Variants in KLHL32 observed in about 807,000 individuals in gnomAD.
KLHL32 encodes the protein kelch like family member 32, also known as kelch-like protein 32.
Under a neutral mutation model 64.8 loss-of-function variants are expected in KLHL32, and 35 were observed. The ratio of observed to expected loss-of-function variants is 0.54; its 90% confidence interval spans 0.41 to 0.72. The LOEUF (loss-of-function observed/expected upper bound fraction) is 0.72. Ranked by LOEUF, KLHL32 falls within the 30% of genes least tolerant of loss-of-function variation. KLHL32 has a pLI of 0.00. For missense variants in KLHL32, 589 were observed against 768.5 expected (o/e 0.77, Z 2.76); for synonymous variants, 259 against 281.0 (o/e 0.92, Z 0.78).
At chr6:96,983,746 T>C (rs191731105) in intron 3 of KLHL32, among the ~76,000 whole-genome samples, 9 of 152,336 alleles carry the variant, frequency 5.9e-5, no homozygotes, top group Admixed American at 4.6e-4. Flanking sequence ...TCATTTTCTG[T>C]TGCGTCTATT....
intron 9 of KLHL32, among the ~76,000 whole-genome samples, chr6:97,132,336 C>T (rs1206115411): frequency 1.3e-5 from 2 of 152,108 alleles, no homozygotes; most frequent in African/African-American, 4.8e-5. Flanking sequence ...TTATTTCCAC[C>T]ACTGTAAATT....
At chr6:97,139,025 A>G in intron 10 of KLHL32, 96 bp from the exon 11 acceptor site, 1 of 1,144,016 alleles carries the variant, frequency 8.7e-7, no homozygotes, top group East Asian at 2.4e-5. Context: ...ATGGTGACAT[A>G]ACTGAATTTA....
At chr6:96,944,984 T>C (rs1771752272) in intron 1 of KLHL32, among the ~76,000 whole-genome samples, 1 of 152,206 alleles carries the variant, frequency 6.6e-6, no homozygotes, top group South Asian at 2.1e-4. Flanking sequence ...TAACATGACG[T>C]TGACAACTCT....
intron 3 of KLHL32, chr6:97,010,123 T>G (rs1780181294): frequency 2.0e-5 from 2 of 98,186 alleles, no homozygotes; most frequent in Admixed American, 1.3e-4. Context: ...GGCACTGATT[T>G]GACAAAAAAA....
intron 3 of KLHL32, among the ~76,000 whole-genome samples, chr6:96,981,549 C>T (rs1776313420): frequency 6.6e-6 from 1 of 151,904 alleles, no homozygotes; most frequent in African/African-American, 2.4e-5. Context: ...TCTCAATTTC[C>T]TTCAGTTCAG....
At chr6:96,939,649 T>G (rs1385983979) in intron 1 of KLHL32, among the ~76,000 whole-genome samples, 1 of 151,742 alleles carries the variant, frequency 6.6e-6, no homozygotes, top group Non-Finnish European at 1.5e-5. Context: ...GTCAACACAG[T>G]GGGGTGCAGA....
chr6:97,095,401 T>C (rs1794840624), intron 6 of KLHL32, among the ~76,000 whole-genome samples: 1 of 152,250 alleles, frequency 6.6e-6, no homozygotes. Context: ...GCTCTTCTCA[T>C]CTCATGTAAG....
chr6:96,998,525 T>C (rs1778658842), intron 3 of KLHL32, among the ~76,000 whole-genome samples: 1 of 152,228 alleles, frequency 6.6e-6, no homozygotes, highest in South Asian at 2.1e-4. Context: ...TGTAAGCATA[T>C]AAATATTTAC....
chr6:97,017,058 T>C (rs972903028), intron 3 of KLHL32, among the ~76,000 whole-genome samples: 7 of 152,220 alleles, frequency 4.6e-5, no homozygotes, highest in Non-Finnish European at 1.0e-4. Context: ...GGTATTTCTT[T>C]ATAGCAGTGT....
chr6:97,037,815 A>T (rs1193384128), intron 3 of KLHL32, among the ~76,000 whole-genome samples: 4 of 152,218 alleles, frequency 2.6e-5, no homozygotes, highest in Non-Finnish European at 4.4e-5. Context: ...TACTGGCATA[A>T]AAACAGACAC....
chr6:96,926,906 A>G (rs922562216), intron 1 of KLHL32, among the ~76,000 whole-genome samples: 3 of 152,222 alleles, frequency 2.0e-5, no homozygotes, highest in African/African-American at 4.8e-5. Flanking sequence ...GTGGCCTGCT[A>G]GTTAGCAACC....
rs1234214597 is a variant in KLHL32 at position 97,102,540 on chromosome 6, C to T, written c.628-11243C>T. On this transcript the variant is annotated intron_variant, in intron 6 of 10. Transcript: ENST00000369261. Reference sequence around the variant, plus strand: ...AGGAGCTATCATTTTATTTAGAAGTCTCATGTCATCAATCCAGTATTGAGT... The same window carrying T: ...AGGAGCTATCATTTTATTTAGAAGTTTCATGTCATCAATCCAGTATTGAGT... Among the ~76,000 whole-genome samples, 3 of 152,054 alleles carry T rather than the reference C, an allele frequency of 2.0e-5. No individual in the cohort carries two copies. In the South Asian group the frequency reaches 6.2e-4, roughly 32 times the overall value.
At chr6:96,901,597 G>A in the KLHL32 span, among the ~76,000 whole-genome samples, 1 of 152,164 alleles carries the variant, frequency 6.6e-6, no homozygotes, top group East Asian at 1.9e-4. Context: ...GGGATTAAGA[G>A]ACATTTTTGG....
At chr6:96,960,217 G>A (rs1460507526) in intron 1 of KLHL32, among the ~76,000 whole-genome samples, 1 of 152,112 alleles carries the variant, frequency 6.6e-6, no homozygotes, top group African/African-American at 2.4e-5. Context: ...CTTTTAACAC[G>A]ACACTGAGAA....
intron 3 of KLHL32, among the ~76,000 whole-genome samples, chr6:97,021,963 A>G (rs1367611099): frequency 6.6e-6 from 1 of 150,844 alleles, no homozygotes; most frequent in Non-Finnish European, 1.5e-5. Flanking sequence ...GCAGGTCCCC[A>G]TAGCTGGACC....
At chr6:97,112,860 A>G (rs1299900930) in intron 6 of KLHL32, among the ~76,000 whole-genome samples, 1 of 149,306 alleles carries the variant, frequency 6.7e-6, no homozygotes, top group Non-Finnish European at 1.5e-5. Flanking sequence ...TAATAAATAT[A>G]TAATTTTATT....
intron 4 of KLHL32, among the ~76,000 whole-genome samples, chr6:97,042,666 A>G (rs1181813061): frequency 6.6e-6 from 1 of 152,162 alleles, no homozygotes; most frequent in African/African-American, 2.4e-5. Context: ...CTCTTCTAGC[A>G]ATGTTGAACT....
At chr6:97,021,928 C>CT (rs1782045299) in intron 3 of KLHL32, among the ~76,000 whole-genome samples, 1 of 150,852 alleles carries the variant, frequency 6.6e-6, no homozygotes, top group African/African-American at 2.5e-5. Context: ...ATCCTTGACT[C>CT]TATTTTCTTG....
chr6:97,135,585 A>C (rs190722693), intron 10 of KLHL32, among the ~76,000 whole-genome samples: 4 of 152,298 alleles, frequency 2.6e-5, no homozygotes, highest in African/African-American at 9.6e-5. Flanking sequence ...GGCGTGAGCC[A>C]CTGCATCTGG....
Sources: gnomAD v4.1 joint callset for allele counts (sites outside exome capture counted in the v4.1 genomes callset) on GRCh38, gnomAD v4.1.1 for gene constraint, MANE v1.5 for transcripts, NCBI Gene and HGNC (gene_info 2026-07-23, HGNC 2026-07-21) for gene names.